Variants in ASTN2 observed in about 807,000 individuals in gnomAD.
ASTN2 encodes the protein astrotactin 2.
A neutral mutation model predicts 139.8 loss-of-function variants in ASTN2; 54 were observed. That is an observed-to-expected ratio of 0.39 (90% CI 0.31 to 0.48). ASTN2 has a LOEUF of 0.48. Among genes scored for constraint, ASTN2 ranks in the 20% least tolerant of loss-of-function variants. ASTN2 has a pLI of 0.95. For synonymous variants in ASTN2, 756 were observed against 719.5 expected, an observed-to-expected ratio of 1.05 and a Z score of -0.81; for missense variants, 1,565 against 1,725.1, an observed-to-expected ratio of 0.91 and a Z score of 1.64.
At chr9:116,695,381 G>A (rs553373967) in intron 16 of ASTN2, among the ~76,000 whole-genome samples, 5 of 152,238 alleles carry the variant, frequency 3.3e-5, no homozygotes, top group African/African-American at 1.2e-4. Context: ...AAAGGAAGTG[G>A]GATATCAGGG....
chr9:116,691,322 A>G lies in ASTN2; in HGVS notation c.2806+34449T>C, dbSNP rs764793062. Reference sequence around the variant, plus strand: ...TGAGGTTAGTTGGAGGTCCCTGAGAAGGGGCTATTGATTTTTCCTTTGTCT... The same window carrying G: ...TGAGGTTAGTTGGAGGTCCCTGAGAGGGGGCTATTGATTTTTCCTTTGTCT... On this transcript the variant is annotated intron_variant, in intron 16 of 22. Transcript: ENST00000313400. Among the ~76,000 whole-genome samples the G allele has an allele frequency of 8.5e-5, 13 of 152,290 alleles. No homozygotes were observed. In the South Asian group the frequency reaches 2.5e-3, roughly 29 times the overall value.
chr9:116,707,662 T>A (rs803916), intron 16 of ASTN2, among the ~76,000 whole-genome samples: 142,260 of 152,268 alleles, frequency 0.93, 66,491 homozygotes, highest in East Asian at 0.97. Context: ...TAAAGAATTT[T>A]TGCAACAACA....
intron 14 of ASTN2, 24 bp from the exon 15 acceptor site, chr9:116,729,120 A>T (rs749556603): frequency 9.9e-5 from 152 of 1,535,368 alleles, no homozygotes; most frequent in Non-Finnish European, 1.3e-4. Context: ...TAAGATGGTC[A>T]CGTGAGCCCA....
intron 22 of ASTN2, among the ~76,000 whole-genome samples, chr9:116,433,728 C>A (rs764267528): frequency 1.3e-5 from 2 of 152,092 alleles, no homozygotes; most frequent in Non-Finnish European, 1.5e-5. Flanking sequence ...TCAAAATAAA[C>A]CCATATCAAA....
intron 5 of ASTN2, among the ~76,000 whole-genome samples, chr9:117,082,832 C>T (rs1448884913): frequency 2.0e-5 from 3 of 152,098 alleles, no homozygotes; most frequent in African/African-American, 7.2e-5. Flanking sequence ...AAAAAACACC[C>T]TTCATAGACT....
intron 2 of ASTN2, among the ~76,000 whole-genome samples, chr9:117,232,531 C>T (rs1186947127): frequency 1.3e-5 from 2 of 152,168 alleles, no homozygotes; most frequent in Non-Finnish European, 2.9e-5. Context: ...CAGCACTTAC[C>T]CTGGGTGGGA....
chr9:117,129,342 C>A (rs931948648), intron 4 of ASTN2, among the ~76,000 whole-genome samples: 3 of 152,094 alleles, frequency 2.0e-5, no homozygotes, highest in Non-Finnish European at 2.9e-5. Flanking sequence ...ATCTCCACCC[C>A]TTGATGTAAA....
intron 13 of ASTN2, among the ~76,000 whole-genome samples, chr9:116,788,992 C>T (rs1830456148): frequency 6.6e-6 from 1 of 152,164 alleles, no homozygotes; most frequent in Non-Finnish European, 1.5e-5. Flanking sequence ...GCTTAATTCT[C>T]AAGCTGTGTT....
chr9:117,175,968 G>A lies in ASTN2; in HGVS notation c.1016-34490C>T, dbSNP rs574747489. On this transcript the variant is annotated intron_variant, in intron 3 of 22. Coordinates refer to ENST00000313400, the MANE Select transcript of ASTN2 (RefSeq NM_001365068.1). ...AAGAAGATATTTTCACATGACAAAGGCCTACTTATGTTTTTAAATATGATT... is the reference window on the plus strand; with the variant it reads ...AAGAAGATATTTTCACATGACAAAGACCTACTTATGTTTTTAAATATGATT... 9.2e-5 allele frequency among the ~76,000 whole-genome samples: 14 copies of A among 151,436 alleles called. No individual in the cohort carries two copies. The East Asian group carries it at 1.7e-3, about 19-fold the overall frequency.
chr9:116,803,474 T>C (rs1191441335), intron 13 of ASTN2, among the ~76,000 whole-genome samples: 1 of 123,662 alleles, frequency 8.1e-6, no homozygotes, highest in African/African-American at 2.8e-5. Context: ...TACCACCAAG[T>C]TCGAATAATA....
At chr9:116,534,455 G>A (rs948357745) in intron 19 of ASTN2, among the ~76,000 whole-genome samples, 1 of 152,092 alleles carries the variant, frequency 6.6e-6, no homozygotes, top group Non-Finnish European at 1.5e-5. Context: ...TATGATGTTA[G>A]GGTGTCAATT....
At chr9:116,551,873 G>C (rs1006984855) in intron 19 of ASTN2, among the ~76,000 whole-genome samples, 1 of 152,154 alleles carries the variant, frequency 6.6e-6, no homozygotes, top group Non-Finnish European at 1.5e-5. Flanking sequence ...CAGATTCTCA[G>C]GAAATAGGAA....
rs34143043 is a variant in ASTN2, at chr9:116,986,160, G to GCCCCCCCCCCCCCCCCCCCCC, written c.1592-9376_1592-9375insGGGGGGGGGGGGGGGGGGGGG. ...TCCTTGCTGTGCTGTTGTCCAGGCT[G>GCCCCCCCCCCCCCCCCCCCCC]CCCCCCCCCACCCCCCTGCAGTCAC... On this transcript the variant is annotated intron_variant, in intron 7 of 22. Transcript: ENST00000313400. 2.3e-5 allele frequency among the ~76,000 whole-genome samples: 3 copies of GCCCCCCCCCCCCCCCCCCCCC among 131,910 alleles called. No individual in the cohort carries two copies. The Admixed American group carries it at 2.4e-4, about 10-fold the overall frequency. The allele number at this position is 131,910 out of a possible 152,430, so 86.5% of individuals were successfully genotyped here. A position where few individuals can be genotyped will look rare whatever the true frequency, so the allele number is the denominator to read the frequency against.
intron 11 of ASTN2, among the ~76,000 whole-genome samples, chr9:116,833,738 T>C (rs1387518106): frequency 3.3e-5 from 5 of 152,232 alleles, no homozygotes; most frequent in African/African-American, 1.2e-4. Context: ...TTTTCTGTTA[T>C]ATCTATTATG....
chr9:117,052,171 T>C lies in ASTN2; in HGVS notation c.1277-12206A>G, dbSNP rs1838929415. On this transcript the variant is annotated intron_variant, in intron 5 of 22. Coordinates refer to ENST00000313400, the MANE Select transcript of ASTN2 (RefSeq NM_001365068.1). ...AAGATTAAATAGTGGCTGGGCATGG[T>C]GGCTCATGCCTGTAATCCCAGCACT... 2.0e-5 allele frequency among the ~76,000 whole-genome samples: 3 copies of C among 152,074 alleles called. No individual in the cohort carries two copies. The South Asian group carries it at 6.2e-4, about 32-fold the overall frequency.
intron 7 of ASTN2, among the ~76,000 whole-genome samples, chr9:116,983,009 G>C (rs1836555694): frequency 6.6e-6 from 1 of 152,106 alleles, no homozygotes; most frequent in Admixed American, 6.6e-5. Flanking sequence ...AGCCATCCTG[G>C]CTGTCTGACT....
intron 19 of ASTN2, among the ~76,000 whole-genome samples, chr9:116,597,575 C>A (rs1022637111): frequency 6.6e-6 from 1 of 152,038 alleles, no homozygotes; most frequent in African/African-American, 2.4e-5. Flanking sequence ...TAGGCGTGAA[C>A]CACCATGCCT....
intron 1 of ASTN2, among the ~76,000 whole-genome samples, chr9:117,335,506 A>G (rs942418547): frequency 4.6e-5 from 7 of 152,086 alleles, no homozygotes; most frequent in African/African-American, 1.4e-4. Flanking sequence ...GCCTCTAATG[A>G]CTCTGATTGT....
In ASTN2 at chr9:117,141,820, A is replaced by G. The variant is rs147651517; in HGVS notation, c.1016-342T>C. 1.3e-3 allele frequency among the ~76,000 whole-genome samples: 200 copies of G among 152,292 alleles called. 2 individuals are homozygous for G. The East Asian group carries it at 0.028, about 21-fold the overall frequency. On this transcript the variant is annotated intron_variant, in intron 3 of 22. Transcript: ENST00000313400. ...AGTTCAGTAGGAGACATATCCAGAC[A>G]ATTCTAACATTGTGCAATATTTTTG...
Sources: gnomAD v4.1 joint callset for allele counts (sites outside exome capture counted in the v4.1 genomes callset) on GRCh38, gnomAD v4.1.1 for gene constraint, MANE v1.5 for transcripts, NCBI Gene and HGNC (gene_info 2026-07-23, HGNC 2026-07-21) for gene names.